The following SPP1 variants were observed in gnomAD, a reference collection of about 807,000 sequenced individuals.
SPP1 encodes secreted phosphoprotein 1.
Under a neutral mutation model 20.8 loss-of-function variants are expected in SPP1, and 18 were observed. The observed-to-expected ratio is 0.87, with a 90% CI of 0.60 to 1.29. SPP1 has a LOEUF of 1.29. Among genes scored for constraint, SPP1 ranks in the 50% most tolerant of loss-of-function variants. The probability of loss-of-function intolerance (pLI) is 0.00; values close to 1 mark genes in which losing one functional copy is unlikely to be tolerated. For synonymous variants in SPP1, 146 were observed against 141.5 expected (o/e 1.03, Z -0.23); for missense variants, 363 against 389.0 (o/e 0.93, Z 0.56).
chr4:87,979,161 CTTTTTT>C (rs10596032), intron 3 of SPP1, among the ~76,000 whole-genome samples: 5 of 107,252 alleles, frequency 4.7e-5, no homozygotes, highest in Non-Finnish European at 3.6e-5. Flanking sequence ...TTTTTATCTT[CTTTTTT>C]TTTTTTTTTT....
chr4:87,981,360 A>G (rs1456992064), intron 5 of SPP1, 115 bp from the exon 6 acceptor site: 4 of 949,618 alleles, frequency 4.2e-6, no homozygotes, highest in East Asian at 5.2e-5. Context: ...TGTACTGTGA[A>G]TGCAAAGATT....
chr4:87,982,261 C>T (rs1345344794), intron 6 of SPP1, among the ~76,000 whole-genome samples: 2 of 151,968 alleles, frequency 1.3e-5, no homozygotes, highest in East Asian at 3.9e-4. Flanking sequence ...ATGAAACCTA[C>T]CTCATAGGTT....
chr4:87,980,187 T>C, intron 4 of SPP1, 61 bp downstream of exon 4: 1 of 1,586,166 alleles, frequency 6.3e-7, no homozygotes, highest in East Asian at 2.2e-5. Context: ...CTCAGGCCAT[T>C]TGGGCTGCTC....
At chr4:87,977,538 C>A in intron 3 of SPP1, 1 of 431,442 alleles carries the variant, frequency 2.3e-6, no homozygotes, top group Non-Finnish European at 3.4e-6. Flanking sequence ...AGCTGAGAAG[C>A]CCATTGTGAA....
chr4:87,979,993 T>C, intron 3 of SPP1, 53 bp from the exon 4 acceptor site: 3 of 1,567,388 alleles, frequency 1.9e-6, no homozygotes, highest in Non-Finnish European at 2.6e-6. Flanking sequence ...GTTTTTTCCA[T>C]TCATCCCTAC....
At chr4:87,978,680 CTGT>C (rs1419785748) in intron 3 of SPP1, among the ~76,000 whole-genome samples, 1 of 152,162 alleles carries the variant, frequency 6.6e-6, no homozygotes, top group Non-Finnish European at 1.5e-5. Context: ...CTGCGCCCGG[CTGT>C]TTTTTCATCT....
At chr4:87,979,123 T>C (rs1306463967) in intron 3 of SPP1, among the ~76,000 whole-genome samples, 1 of 151,776 alleles carries the variant, frequency 6.6e-6, no homozygotes, top group Non-Finnish European at 1.5e-5. Context: ...GCACTCAAAA[T>C]GTGGGCTAGT....
At chr4:87,977,390 T>G (rs1725423495) in intron 3 of SPP1, among the ~76,000 whole-genome samples, 1 of 152,244 alleles carries the variant, frequency 6.6e-6, no homozygotes, top group African/African-American at 2.4e-5. Context: ...TTTTTTTCCA[T>G]TAGTCCACAT....
chr4:87,981,625 T>TCTCA lies in SPP1; in HGVS notation c.369_372dup (p.His125SerfsTer4), dbSNP rs1725649650. ...TGATGATTCTCACCAGTCTGATGAG[T>TCTCA]CTCACCATTCTGATGAATCTGATGA... On this transcript the variant is annotated frameshift_variant, in exon 6 of 7. Coordinates refer to ENST00000395080, the MANE Select transcript of SPP1 (RefSeq NM_001040058.2). LOFTEE classifies it high-confidence loss of function. The TCTCA allele has an allele frequency of 6.2e-7, 1 of 1,613,984 alleles. No individual in the cohort carries two copies. Among genetic ancestry groups the TCTCA allele is most frequent in the African/African-American group, 1.3e-5 (1 of 74,874 alleles).
Position 87,981,648 on chromosome 4 carries a change from T to A in SPP1, c.390T>A (p.Asp130Glu). 6.2e-7 allele frequency: 1 copy of A among 1,614,186 alleles called. No individual in the cohort carries two copies. Residue 130 changes from aspartate to glutamate, a missense_variant, in exon 6 of 7, where the codon GAT becomes GAA. By Grantham distance (45) the Asp-to-Glu change is conservative. Transcript: ENST00000395080. ...AGTCTCACCATTCTGATGAATCTGA[T>A]GAACTGGTCACTGATTTTCCCACGG... The part of the protein sequence containing the change: ...SDESHHSDES[D>E]ELVTDFPTDL...
rs763811954 is a variant in SPP1, at chr4:87,976,961, T to C, written c.54+12T>C. ...CCTGTGCCATACCAGTGAGTACAGTTGCATCTTAAAGAAAATTCCTGAAAA... is the reference window on the plus strand; with the variant it reads ...CCTGTGCCATACCAGTGAGTACAGTCGCATCTTAAAGAAAATTCCTGAAAA... On this transcript the variant is annotated intron_variant, in intron 2 of 6. Transcript: ENST00000395080. 4 of 1,613,744 alleles carry C rather than the reference T, an allele frequency of 2.5e-6. No individual in the cohort carries two copies. Among genetic ancestry groups the C allele is most frequent in the Non-Finnish European group, 3.4e-6 (4 of 1,179,646 alleles).
rs1453300590 is a variant in SPP1, at chr4:87,978,558, AT to A, written c.93+1466del. On this transcript the variant is annotated intron_variant, in intron 3 of 6. Transcript: ENST00000395080. Reference sequence around the variant, plus strand: ...CCACCACGCCCGGATAATTTTTTGTATTTTTAGTAGAGACGGGGTTTCACCG... The same window carrying A: ...CCACCACGCCCGGATAATTTTTTGTATTTTAGTAGAGACGGGGTTTCACCG... 7.9e-5 allele frequency among the ~76,000 whole-genome samples: 12 copies of A among 151,554 alleles called. 1 individual carries two copies. Among genetic ancestry groups the A allele is most frequent in the Admixed American group, 6.6e-4 (10 of 15,234 alleles).
intron 3 of SPP1, 142 bp from the exon 4 acceptor site, chr4:87,979,904 C>CAAAAA: frequency 1.6e-6 from 1 of 613,386 alleles, no homozygotes; most frequent in East Asian, 3.1e-5. Flanking sequence ...AATGAATCTG[C>CAAAAA]AAAAAAAAAA....
Position 87,982,758 on chromosome 4 carries a change from C to T in SPP1, c.807C>T (p.Val269=), listed in dbSNP as rs1725713210. ...TTGATAGTCAGGAACTTTCCAAAGT[C>T]AGCCGTGAATTCCACAGCCATGAAT... ...DVIDSQELSK[V]SREFHSHEFH... is the part of the protein sequence containing the mutation. The change falls in exon 7 of 7, where the codon GTC becomes GTT. Residue 269 remains valine (V), a synonymous_variant. Transcript: ENST00000395080. 21 of 1,614,142 alleles carry T rather than the reference C, an allele frequency of 1.3e-5. No homozygotes were observed. The highest frequency in any genetic ancestry group is 1.8e-5 in the Non-Finnish European group (21 of 1,180,018).
chr4:87,981,746 T>C lies in SPP1; in HGVS notation c.488T>C (p.Val163Ala). 6.2e-7 allele frequency: 1 copy of C among 1,614,192 alleles called. No individual in the cohort carries two copies. The highest frequency in any genetic ancestry group is 8.5e-7 in the Non-Finnish European group (1 of 1,180,030). Reference protein sequence around the residue: ...VDTYDGRGDSVVYGLRSKSKK... With the variant: ...VDTYDGRGDSAVYGLRSKSKK... ...ACATATGATGGCCGAGGTGATAGTG[T>C]GGTTTATGGACTGAGGTCAAAATCT... The change falls in exon 6 of 7, where the codon GTG (valine) becomes GCG (alanine). Residue 163 changes from valine (V) to alanine (A), a missense_variant. Transcript: ENST00000395080.
chr4:87,975,921 T>C (rs1725360641), intron 1 of SPP1, 121 bp downstream of exon 1: 1 of 150,996 alleles, frequency 6.6e-6, no homozygotes, highest in Admixed American at 6.6e-5. Context: ...TTCTAGCCTT[T>C]TTAATAAGCA....
At chr4:87,976,668 C>T (rs1203357669) in intron 1 of SPP1, among the ~76,000 whole-genome samples, 1 of 152,104 alleles carries the variant, frequency 6.6e-6, no homozygotes, top group Non-Finnish European at 1.5e-5. Context: ...TTTCCCTTTC[C>T]CTTGCCTAAT....
chr4:87,982,249 T>C (rs1270696632), intron 6 of SPP1, among the ~76,000 whole-genome samples: 1 of 152,180 alleles, frequency 6.6e-6, no homozygotes, highest in Non-Finnish European at 1.5e-5. Flanking sequence ...GGTTTCAATA[T>C]AATGAAACCT....
chr4:87,980,161 A>T, intron 4 of SPP1, 35 bp downstream of exon 4: 1 of 1,610,356 alleles, frequency 6.2e-7, no homozygotes. Flanking sequence ...AACTACAGTG[A>T]TGAAAGATAG....
Sources: gnomAD v4.1 joint callset for allele counts (sites outside exome capture counted in the v4.1 genomes callset) on GRCh38, gnomAD v4.1.1 for gene constraint, MANE v1.5 for transcripts, NCBI Gene and HGNC (gene_info 2026-07-23, HGNC 2026-07-21) for gene names.